The following P3H2 variants were observed in gnomAD, a reference collection of about 807,000 sequenced individuals.
P3H2 encodes the protein leprecan-like 1.
In P3H2, 80 loss-of-function variants were observed where a neutral mutation model predicts 87.0. The ratio of observed to expected loss-of-function variants is 0.92; its 90% CI spans 0.77 to 1.11. P3H2 has a LOEUF of 1.11. Ranked by LOEUF, P3H2 falls within the 50% of genes least tolerant of loss-of-function variation. P3H2 has a pLI of 0.00. For missense variants in P3H2, 1,001 were observed against 923.9 expected (o/e 1.08, Z -1.08); for synonymous variants, 367 against 359.3 (o/e 1.02, Z -0.24).
chr3:189,960,685 C>G (rs1722784301), intron 14 of P3H2, among the ~76,000 whole-genome samples: 1 of 152,190 alleles, frequency 6.6e-6, no homozygotes, highest in Admixed American at 6.5e-5. Flanking sequence ...CTTCAAGCTC[C>G]TTGAAAATAG....
chr3:190,036,931 G>A (rs1255548149), intron 1 of P3H2, among the ~76,000 whole-genome samples: 3 of 102,218 alleles, frequency 2.9e-5, no homozygotes, highest in African/African-American at 7.8e-5. Flanking sequence ...TGTTGGCAAC[G>A]TTGGAAAGAT....
At position 189,988,900 on chromosome 3, in the gene P3H2, G is replaced by A. The variant is rs368815939; in HGVS notation, c.955+7C>T. ...CAAGAAGTCTTCACGGATGATCCAC[G>A]CTTTACCTCGATAGTAGGCAAACTG... On this transcript the variant is annotated splice_region_variant and intron_variant, in intron 4 of 14. Transcript: ENST00000319332. 1.2e-5 allele frequency: 19 copies of A among 1,613,808 alleles called. No homozygotes were observed. Among genetic ancestry groups the A allele is most frequent in the African/African-American group, 2.7e-5 (2 of 74,866 alleles).
At chr3:190,093,810 G>T (rs1056035159) in intron 1 of P3H2, among the ~76,000 whole-genome samples, 1 of 152,138 alleles carries the variant, frequency 6.6e-6, no homozygotes, top group South Asian at 2.1e-4. Flanking sequence ...GGCTTTTTTG[G>T]TAAGTTTTAG....
intron 12 of P3H2, 49 bp downstream of exon 12, chr3:189,971,841 T>G (rs1723186521): frequency 8.7e-7 from 1 of 1,145,258 alleles, no homozygotes; most frequent in Non-Finnish European, 1.3e-6. Context: ...TTTCACTGCT[T>G]GAAAACTGTT....
At chr3:189,958,777 C>G (rs549011995) in intron 14 of P3H2, among the ~76,000 whole-genome samples, 36 of 149,310 alleles carry the variant, frequency 2.4e-4, no homozygotes, top group African/African-American at 7.4e-4. Flanking sequence ...GATCTCGGCT[C>G]ACTGCAACCT....
Position 190,084,784 on chromosome 3 carries a change from G to C in P3H2, c.480+35468C>G, listed in dbSNP as rs868557911. ...ACACAGACCTTAGTACAACTTTTCT[G>C]AACTGAGGTTTTGTTTTAGCCACAG... is the stretch of plus-strand genomic sequence containing the variant. On this transcript the variant is annotated intron_variant, in intron 1 of 14. Coordinates refer to ENST00000319332, the MANE Select transcript of P3H2 (RefSeq NM_018192.4). Among the ~76,000 whole-genome samples the C allele has an allele frequency of 3.3e-5, 5 of 152,180 alleles. No homozygotes were observed. In the South Asian group the frequency reaches 1.0e-3, roughly 32 times the overall value.
chr3:189,970,216 A>ATATATATATATATATATATATG (rs1723134262), intron 13 of P3H2, among the ~76,000 whole-genome samples: 1 of 116,068 alleles, frequency 8.6e-6, no homozygotes, highest in Non-Finnish European at 1.7e-5. Context: ...ATATATATAT[A>ATATATATATATATATATATATG]TATATATGAG....
intron 1 of P3H2, among the ~76,000 whole-genome samples, chr3:190,047,785 G>A (rs578171713): frequency 6.6e-6 from 1 of 152,274 alleles, no homozygotes; most frequent in South Asian, 2.1e-4. Context: ...AGGGTAGTGG[G>A]AGAGGTGAGA....
At chr3:189,966,115 AAGAAAGAAAAAGAAAGAAAGAAAG>A (rs1722981846) in intron 13 of P3H2, among the ~76,000 whole-genome samples, 2 of 109,416 alleles carry the variant, frequency 1.8e-5, no homozygotes, top group African/African-American at 9.0e-5. Context: ...AAAAGAAAGA[AAGAAAGAAAAAGAAAGAAAGAAAG>A]AAAGAAAGAA....
At position 189,983,115 on chromosome 3, in the gene P3H2, C is replaced by T; in HGVS notation, c.1255G>A (p.Gly419Arg). 1 of 1,613,834 alleles carries T rather than the reference C, an allele frequency of 6.2e-7. No individual in the cohort carries two copies. The highest frequency in any genetic ancestry group is 8.5e-7 in the Non-Finnish European group (1 of 1,179,848). ...NRVPSGVNVE[G>R]AEVHGFSMGK... ...ATTGAGAATCCATGAACTTCTGCTC[C>T]CTCTACGTTCACTCCTGAAGGGACC... Residue 419 changes from glycine (G) to arginine (R), a missense_variant, in exon 8 of 15, where the codon GGA becomes AGA. Transcript: ENST00000319332.
At chr3:190,113,874 G>A (rs1297632240) in intron 1 of P3H2, among the ~76,000 whole-genome samples, 2 of 151,926 alleles carry the variant, frequency 1.3e-5, no homozygotes, top group Non-Finnish European at 2.9e-5. Context: ...TCGGGAGTTC[G>A]AGACCATCCT....
At chr3:190,014,159 G>C (rs894450106) in intron 1 of P3H2, among the ~76,000 whole-genome samples, 1 of 152,226 alleles carries the variant, frequency 6.6e-6, no homozygotes, top group African/African-American at 2.4e-5. Flanking sequence ...GATGTGATTT[G>C]AATATGAGAA....
chr3:190,076,880 A>T (rs1162906784), intron 1 of P3H2, among the ~76,000 whole-genome samples: 1 of 152,206 alleles, frequency 6.6e-6, no homozygotes, highest in Non-Finnish European at 1.5e-5. Flanking sequence ...AGTAACTCTG[A>T]TGACAAGCAA....
intron 1 of P3H2, among the ~76,000 whole-genome samples, chr3:190,086,502 G>A (rs1431092921): frequency 6.6e-6 from 1 of 152,214 alleles, no homozygotes; most frequent in African/African-American, 2.4e-5. Context: ...GTAAGAATCA[G>A]AACTCCTGCT....
In P3H2 at chr3:190,044,031, G is replaced by A. The variant is rs150373638; in HGVS notation, c.481-48589C>T. Among the ~76,000 whole-genome samples the A allele has an allele frequency of 3.3e-5, 5 of 152,234 alleles. No homozygotes were observed. In the East Asian group the frequency reaches 9.6e-4, roughly 29 times the overall value. ...GTAGTCATAAACACTTTACAAAGAA[G>A]TATAAAATGAAAGAGAGATTGTTAT... On this transcript the variant is annotated intron_variant, in intron 1 of 14. Transcript: ENST00000319332.
intron 1 of P3H2, among the ~76,000 whole-genome samples, chr3:190,071,998 T>TTTTTGG (rs58286932): frequency 7.1e-6 from 1 of 139,892 alleles, no homozygotes. Flanking sequence ...TTTTTTTTTT[T>TTTTTGG]GAGGCAGAGT....
At chr3:189,994,867 C>A (rs1353166618) in intron 2 of P3H2, among the ~76,000 whole-genome samples, 2 of 151,774 alleles carry the variant, frequency 1.3e-5, no homozygotes, top group African/African-American at 4.8e-5. Flanking sequence ...AATGGGCAAA[C>A]CACTGGACTG....
rs189129956 is a variant in P3H2 at position 190,035,765 on chromosome 3, T to G, written c.481-40323A>C. On this transcript the variant is annotated intron_variant, in intron 1 of 14. Coordinates refer to ENST00000319332, the MANE Select transcript of P3H2 (RefSeq NM_018192.4). ...AACAAAAGGCAAAAGGCTAAATACC[T>G]TCTGTTGGGCTTTAGGCTGCTTGGG... Among the ~76,000 whole-genome samples the G allele has an allele frequency of 1.6e-3, 248 of 152,290 alleles. 2 individuals are homozygous for G. The highest frequency in any genetic ancestry group is 3.4e-3 in the Middle Eastern group (1 of 294).
chr3:190,073,595 C>T (rs941863682), intron 1 of P3H2, among the ~76,000 whole-genome samples: 1 of 152,078 alleles, frequency 6.6e-6, no homozygotes. Flanking sequence ...GATTGAAGGT[C>T]GCTGACAGCA....
Sources: allele counts gnomAD v4.1 joint callset (sites outside exome capture counted in the v4.1 genomes callset), GRCh38; gene constraint gnomAD v4.1.1; transcripts MANE v1.5; gene names NCBI Gene and HGNC (gene_info 2026-07-23, HGNC 2026-07-21).